The following ZC3H12C variants were observed in gnomAD, a reference collection of about 807,000 sequenced individuals.
The protein encoded by ZC3H12C is zinc finger CCCH-type containing 12C.
A neutral mutation model predicts 76.3 loss-of-function variants in ZC3H12C; 20 were observed. The ratio of observed to expected loss-of-function variants is 0.26; its 90% CI spans 0.18 to 0.38. The LOEUF is 0.38. Among genes scored for constraint, ZC3H12C ranks in the 10% least tolerant of loss-of-function variants. The pLI is 1.00. For synonymous variants in ZC3H12C, 352 were observed against 399.6 expected (o/e 0.88, Z 1.42); for missense variants, 874 against 1,086.5 (o/e 0.80, Z 2.75).
intron 1 of ZC3H12C, among the ~76,000 whole-genome samples, chr11:110,114,971 A>G (rs1485127449): frequency 6.6e-6 from 1 of 152,240 alleles, no homozygotes; most frequent in Non-Finnish European, 1.5e-5. Flanking sequence ...TGTTAATGAA[A>G]TTATAGGAGA....
intron 1 of ZC3H12C, among the ~76,000 whole-genome samples, chr11:110,094,471 A>C (rs1409743566): frequency 6.6e-6 from 1 of 152,376 alleles, no homozygotes; most frequent in East Asian, 1.9e-4. Context: ...TGCATATTAT[A>C]AACGGAAAAC....
intron 3 of ZC3H12C, 92 bp from the exon 4 acceptor site, chr11:110,159,164 C>A: frequency 2.1e-6 from 2 of 945,610 alleles, no homozygotes; most frequent in South Asian, 1.6e-5. Context: ...ATATATACAG[C>A]TTATGTTTTA....
At chr11:110,132,348 A>G (rs1478776120) in intron 1 of ZC3H12C, among the ~76,000 whole-genome samples, 3 of 152,190 alleles carry the variant, frequency 2.0e-5, no homozygotes, top group Non-Finnish European at 4.4e-5. Flanking sequence ...TTTCTAGTGA[A>G]TAGCCATTAT....
intron 1 of ZC3H12C, chr11:110,135,859 C>T (rs1417954084): frequency 6.6e-6 from 1 of 151,954 alleles, no homozygotes; most frequent in Non-Finnish European, 1.5e-5. Flanking sequence ...TCCGTAAGTG[C>T]AGATAGAATA....
Position 110,170,002 on chromosome 11 carries a change from T to C in ZC3H12C, c.*4265T>C, listed in dbSNP as rs1231641059. ...GCCTGTGGGCCATAATTTGCTGATC[T>C]CAAGCAGTAAATCCTGGTATATGTT... On this transcript the variant is annotated 3_prime_UTR_variant, in exon 6 of 6. Transcript: ENST00000278590. 1 of 152,232 alleles carries C rather than the reference T, an allele frequency of 6.6e-6. No individual in the cohort carries two copies. The allele number at this position is 152,232 out of a possible 1,614,324, so 9.4% of individuals were successfully genotyped here.
chr11:110,126,811 A>G (rs1861756723), intron 1 of ZC3H12C, among the ~76,000 whole-genome samples: 1 of 152,182 alleles, frequency 6.6e-6, no homozygotes, highest in African/African-American at 2.4e-5. Context: ...CCCAATATTC[A>G]TATTTTAATG....
chr11:110,110,557 G>A (rs758711792), intron 1 of ZC3H12C, among the ~76,000 whole-genome samples: 19 of 152,190 alleles, frequency 1.2e-4, no homozygotes, highest in Non-Finnish European at 1.8e-4. Context: ...AACTGCCATA[G>A]GAATAGTAGA....
intron 1 of ZC3H12C, among the ~76,000 whole-genome samples, chr11:110,102,243 A>G (rs73549274): frequency 0.031 from 4,669 of 148,614 alleles, 142 homozygotes; most frequent in East Asian, 0.085. Flanking sequence ...GACCTTCTGG[A>G]AAGGATTTAC....
At chr11:110,101,586 C>T (rs1184658310) in intron 1 of ZC3H12C, among the ~76,000 whole-genome samples, 2 of 149,428 alleles carry the variant, frequency 1.3e-5, no homozygotes, top group African/African-American at 2.5e-5. Context: ...CTTGCTCTGT[C>T]GCCCAGGCTG....
chr11:110,151,060 A>T (rs142956007), intron 2 of ZC3H12C, among the ~76,000 whole-genome samples: 1 of 152,110 alleles, frequency 6.6e-6, no homozygotes, highest in Non-Finnish European at 1.5e-5. Flanking sequence ...GCCGTTTTTC[A>T]TCTTCATTCT....
intron 3 of ZC3H12C, among the ~76,000 whole-genome samples, chr11:110,155,757 A>C (rs1166538719): frequency 6.6e-6 from 1 of 152,208 alleles, no homozygotes; most frequent in Admixed American, 6.5e-5. Context: ...AAATACACAG[A>C]AAATGATGAG....
Position 110,093,469 on chromosome 11 carries a change from C to T in ZC3H12C, c.21+37C>T, listed in dbSNP as rs775076511. The T allele has an allele frequency of 6.7e-6, 8 of 1,192,188 alleles. No homozygotes were observed. In the East Asian group the frequency reaches 2.6e-4, roughly 38 times the overall value. The allele number at this position is 1,192,188 out of a possible 1,614,324, so 73.9% of individuals were successfully genotyped here. A position where few individuals can be genotyped will look rare whatever the true frequency, so the allele number is the denominator to read the frequency against. ...GGAAGGGGGTGGGGGACGCGGACCG[C>T]GGCGAGAGTGGTCCTGGGGTAGCCG... is the stretch of plus-strand genomic sequence containing the variant. On this transcript the variant is annotated intron_variant, in intron 1 of 5. Coordinates refer to ENST00000278590, the MANE Select transcript of ZC3H12C (RefSeq NM_033390.2).
At chr11:110,140,092 A>G (rs1260023824) in intron 2 of ZC3H12C, among the ~76,000 whole-genome samples, 1 of 152,148 alleles carries the variant, frequency 6.6e-6, no homozygotes, top group Non-Finnish European at 1.5e-5. Flanking sequence ...ACTTAAGGCC[A>G]GGAGTTCAAG....
Position 110,168,397 on chromosome 11 carries a change from TCTTA to T in ZC3H12C, c.*2665_*2668del, listed in dbSNP as rs1244339415. 4 of 152,172 alleles carry T rather than the reference TCTTA, an allele frequency of 2.6e-5. No individual in the cohort carries two copies. The highest frequency in any genetic ancestry group is 4.4e-5 in the Non-Finnish European group (3 of 67,996). The allele number at this position is 152,172 out of a possible 1,614,324, so 9.4% of individuals were successfully genotyped here. On this transcript the variant is annotated 3_prime_UTR_variant, in exon 6 of 6. Transcript: ENST00000278590. ...TTGGCAGACTTTAGGTACAGCAAATTCTTACTTATCTAAAGCAATAAGTCAAAGG... is the reference window on the plus strand; with the variant it reads ...TTGGCAGACTTTAGGTACAGCAAATTCTTATCTAAAGCAATAAGTCAAAGG...
intron 1 of ZC3H12C, among the ~76,000 whole-genome samples, chr11:110,109,366 T>C (rs893948527): frequency 6.6e-6 from 1 of 152,226 alleles, no homozygotes; most frequent in African/African-American, 2.4e-5. Context: ...GCTTTGATTA[T>C]AGGTTCTTAA....
chr11:110,155,774 A>G (rs1298921466), intron 3 of ZC3H12C, among the ~76,000 whole-genome samples: 2 of 152,222 alleles, frequency 1.3e-5, no homozygotes, highest in Admixed American at 1.3e-4. Context: ...TGAGCAGGAA[A>G]TATACCAAAC....
At chr11:110,140,898 A>G (rs1862056358) in intron 2 of ZC3H12C, among the ~76,000 whole-genome samples, 2 of 152,220 alleles carry the variant, frequency 1.3e-5, no homozygotes, top group Non-Finnish European at 2.9e-5. Flanking sequence ...AAATCACTCT[A>G]TAGGGAAATG....
intron 1 of ZC3H12C, among the ~76,000 whole-genome samples, chr11:110,130,171 A>C (rs1473117603): frequency 6.6e-6 from 1 of 152,200 alleles, no homozygotes; most frequent in Non-Finnish European, 1.5e-5. Context: ...AAAATTTTAC[A>C]CTGCTATTGG....
At chr11:110,142,847 C>T (rs1298111661) in intron 2 of ZC3H12C, among the ~76,000 whole-genome samples, 1 of 152,084 alleles carries the variant, frequency 6.6e-6, no homozygotes, top group African/African-American at 2.4e-5. Context: ...GGGTTGTGTT[C>T]CCACTTAAAA....
Sources: allele counts gnomAD v4.1 joint callset (sites outside exome capture counted in the v4.1 genomes callset), GRCh38; gene constraint gnomAD v4.1.1; transcripts MANE v1.5; gene names NCBI Gene and HGNC (gene_info 2026-07-23, HGNC 2026-07-21).